The following SARS1 variants were observed in gnomAD, a reference collection of about 807,000 sequenced individuals.
SARS1 encodes the protein seryl-tRNA synthetase 1.
Under a neutral mutation model 63.7 loss-of-function variants are expected in SARS1, and 25 were observed. The ratio of observed to expected loss-of-function variants is 0.39; its 90% confidence interval spans 0.29 to 0.55. The LOEUF (loss-of-function observed/expected upper bound fraction) is 0.55, where lower values mean the gene tolerates loss of function less well. Ranked by LOEUF, SARS1 falls within the 20% of genes least tolerant of loss-of-function variation. The probability of loss-of-function intolerance (pLI) is 0.62; values close to 1 mark genes in which losing one functional copy is unlikely to be tolerated. For synonymous variants in SARS1, 231 were observed against 243.5 expected, an observed-to-expected ratio of 0.95 and a Z score of 0.48; for missense variants, 417 against 649.7, an observed-to-expected ratio of 0.64 and a Z score of 3.89.
chr1:109,236,998 C>G, intron 9 of SARS1: 1 of 1,313,128 alleles, frequency 7.6e-7, no homozygotes, highest in Non-Finnish European at 9.9e-7. Flanking sequence ...AAGGGCCCAA[C>G]TCTCAGAATA....
At chr1:109,222,736 G>A (rs1654977148) in intron 1 of SARS1, among the ~76,000 whole-genome samples, 1 of 152,192 alleles carries the variant, frequency 6.6e-6, no homozygotes, top group Non-Finnish European at 1.5e-5. Flanking sequence ...TTGGCTGGAT[G>A]CCATGGCTCA....
At chr1:109,222,006 A>G (rs1334490048) in intron 1 of SARS1, among the ~76,000 whole-genome samples, 6 of 11,098 alleles carry the variant, frequency 5.4e-4, no homozygotes, top group Non-Finnish European at 6.8e-4. Context: ...ATATATATAT[A>G]TATATTTTTT....
At chr1:109,236,783 G>A in intron 9 of SARS1, 1 of 1,577,104 alleles carries the variant, frequency 6.3e-7, no homozygotes, top group Non-Finnish European at 8.6e-7. Context: ...TCTCTTTCTG[G>A]CTTTGTTTTT....
chr1:109,235,481 T>C lies in SARS1; in HGVS notation c.969+50T>C. On this transcript the variant is annotated intron_variant, in intron 7 of 10. Transcript: ENST00000234677. The surrounding 1 kb of genome is among the most constrained non-coding windows in gnomAD (Gnocchi z 4.7). ...AGTGGAACTTTCTCTGTCTCCAGAA[T>C]GGTTAGATGAGAGATAGGATCTGTG... The C allele has an allele frequency of 6.9e-7, 1 of 1,442,202 alleles. No homozygotes were observed. 89.3% of individuals were successfully genotyped at this position (1,442,202 alleles called of 1,614,324 possible).
rs747703693 is a variant in SARS1 at position 109,221,208 on chromosome 1, G to A, written c.137-2770G>A. 1.3e-3 allele frequency among the ~76,000 whole-genome samples: 196 copies of A among 151,870 alleles called. 4 individuals are homozygous for A. The highest frequency in any genetic ancestry group is 5.9e-4 in the Admixed American group (9 of 15,232). On this transcript the variant is annotated intron_variant, in intron 1 of 10. Coordinates refer to ENST00000234677, the MANE Select transcript of SARS1 (RefSeq NM_006513.4). ...CCTGAGTAGCTGGGACTACAGGTGC[G>A]TGCCACCACGCCCAGCTAATTTTTG...
At chr1:109,215,124 G>T (rs1654755652) in intron 1 of SARS1, 1 of 985,376 alleles carries the variant, frequency 1.0e-6, no homozygotes, top group Non-Finnish European at 1.2e-6. Flanking sequence ...TAAGGATCTT[G>T]GATGTCAAAA....
chr1:109,224,953 AAATT>A (rs1173881878), intron 2 of SARS1, among the ~76,000 whole-genome samples: 1 of 152,072 alleles, frequency 6.6e-6, no homozygotes, highest in Non-Finnish European at 1.5e-5. Flanking sequence ...TGAAACAAAA[AAATT>A]AGCCAGACGT....
Position 109,214,037 on chromosome 1 carries a change from C to T in SARS1, c.45C>T (p.Asp15=). The change falls in exon 1 of 11, where the codon GAC becomes GAT. Residue 15 remains aspartate, a synonymous_variant. Transcript: ENST00000234677. This position sits in a 1 kb window ranked among gnomAD's most constrained non-coding sequence, Gnocchi z 4.6. ...LDLFRVDKGG[D]PALIRETQEK... Reference sequence around the variant, plus strand: ...TGTTTCGGGTGGATAAAGGAGGGGACCCAGCCCTCATCCGAGAGACGCAGG... The same window carrying T: ...TGTTTCGGGTGGATAAAGGAGGGGATCCAGCCCTCATCCGAGAGACGCAGG... 2 of 1,614,094 alleles carry T rather than the reference C, an allele frequency of 1.2e-6. No individual in the cohort carries two copies. The highest frequency in any genetic ancestry group is 1.7e-6 in the Non-Finnish European group (2 of 1,179,964).
rs187044932 is a variant in SARS1, at chr1:109,228,566, C to A, written c.288+134C>A. The A allele has an allele frequency of 2.0e-4, 130 of 635,184 alleles. No individual in the cohort carries two copies. The African/African-American group carries it at 2.2e-3, about 11-fold the overall frequency. 39.3% of individuals were successfully genotyped at this position (635,184 alleles called of 1,614,324 possible). A position where few individuals can be genotyped will look rare whatever the true frequency, so the allele number is the denominator to read the frequency against. On this transcript the variant is annotated intron_variant, in intron 3 of 10. Coordinates refer to ENST00000234677, the MANE Select transcript of SARS1 (RefSeq NM_006513.4). ...CATTTCTGCTGCTGGGAAATGTCCCCACCCATTCTTGTTATATTCTATATT... is the reference window on the plus strand; with the variant it reads ...CATTTCTGCTGCTGGGAAATGTCCCAACCCATTCTTGTTATATTCTATATT...
At chr1:109,217,441 A>G (rs1419327598) in intron 1 of SARS1, among the ~76,000 whole-genome samples, 1 of 151,918 alleles carries the variant, frequency 6.6e-6, no homozygotes, top group Non-Finnish European at 1.5e-5. Flanking sequence ...TGTAATTGTT[A>G]ATTTGTTTGT....
At chr1:109,225,767 T>G (rs577310195) in intron 2 of SARS1, among the ~76,000 whole-genome samples, 7 of 152,338 alleles carry the variant, frequency 4.6e-5, no homozygotes, top group Admixed American at 2.6e-4. Context: ...AAGAGCTTGC[T>G]TAAAATCATA....
chr1:109,223,910 G>A (rs761991137), intron 1 of SARS1, 68 bp from the exon 2 acceptor site: 145 of 1,189,846 alleles, frequency 1.2e-4, no homozygotes, highest in Non-Finnish European at 1.6e-4. Context: ...AAGAAGTCAA[G>A]ATCAGGAGAA....
Position 109,236,125 on chromosome 1 carries a change from T to A in SARS1, c.1099+19T>A. On this transcript the variant is annotated intron_variant, in intron 8 of 10. Transcript: ENST00000234677. The stretch of plus-strand genomic sequence containing the variant: ...GTCTCAGGTATGGGACCCAGCCTCT[T>A]CTCAGCCTCCCTTTCCTGTAATCCC... 3.1e-6 allele frequency: 5 copies of A among 1,604,622 alleles called. No homozygotes were observed. Among genetic ancestry groups the A allele is most frequent in the Non-Finnish European group, 4.3e-6 (5 of 1,176,102 alleles).
At chr1:109,219,633 C>G (rs1304675870) in intron 1 of SARS1, among the ~76,000 whole-genome samples, 2 of 151,966 alleles carry the variant, frequency 1.3e-5, no homozygotes, top group Non-Finnish European at 2.9e-5. Context: ...CTGCCTCAGC[C>G]TCCCGAGTAG....
At chr1:109,221,994 ATATATATATATATATATTTT>A (rs1654944844) in intron 1 of SARS1, among the ~76,000 whole-genome samples, 2 of 23,526 alleles carry the variant, frequency 8.5e-5, no homozygotes, top group African/African-American at 2.7e-4. Context: ...ATATATATAT[ATATATATATATATATATTTT>A]TTTTTTTTTT....
chr1:109,221,218 G>A (rs1329605607), intron 1 of SARS1, among the ~76,000 whole-genome samples: 1 of 151,938 alleles, frequency 6.6e-6, no homozygotes, highest in Non-Finnish European at 1.5e-5. Context: ...GTGCCACCAC[G>A]CCCAGCTAAT....
At chr1:109,233,862 A>ATTTTTTTTTT (rs1164453054) in intron 6 of SARS1, among the ~76,000 whole-genome samples, 2 of 65,968 alleles carry the variant, frequency 3.0e-5, no homozygotes, top group African/African-American at 1.1e-4. Flanking sequence ...CACCTGGCTA[A>ATTTTTTTTTT]TTTTTTTTTT....
rs375548086 is a variant in SARS1, at chr1:109,229,444, C to T, written c.319C>T (p.Arg107Ter). 6.2e-7 allele frequency: 1 copy of T among 1,614,104 alleles called. No homozygotes were observed. Among genetic ancestry groups the T allele is most frequent in the Non-Finnish European group, 8.5e-7 (1 of 1,180,014 alleles). Residue 107 changes from arginine (R) to a stop codon, truncating the protein, a stop_gained, in exon 4 of 11, where the codon CGA becomes TGA. Transcript: ENST00000234677. LOFTEE classifies it high-confidence loss of function. ...GAAAGTCTCACAAATCAAAAAAGTC[C>T]GACTCCTCATTGATGAAGCCATCCT... ...NLKVSQIKKV[R>*]LLIDEAILKC... is the part of the protein sequence containing the mutation.
chr1:109,233,915 G>C (rs1190975420), intron 6 of SARS1, among the ~76,000 whole-genome samples: 2 of 125,372 alleles, frequency 1.6e-5, no homozygotes, highest in Admixed American at 2.2e-4. Context: ...TTTCACCCAG[G>C]CTAAAGTGAA....
Sources: allele counts gnomAD v4.1 joint callset (sites outside exome capture counted in the v4.1 genomes callset), GRCh38; gene constraint gnomAD v4.1.1; non-coding constraint Gnocchi (gnomAD v3.1); transcripts MANE v1.5; gene names NCBI Gene and HGNC (gene_info 2026-07-23, HGNC 2026-07-21).